Variants in RIMS2 observed in about 807,000 individuals in gnomAD.
RIMS2 encodes the protein regulating synaptic membrane exocytosis protein 2.
Under a neutral mutation model 174.4 loss-of-function variants are expected in RIMS2, and 59 were observed. The ratio of observed to expected loss-of-function variants is 0.34; its 90% confidence interval spans 0.27 to 0.42. RIMS2 has a LOEUF of 0.42. Among genes scored for constraint, RIMS2 ranks in the 10% least tolerant of loss-of-function variants. RIMS2 has a pLI of 1.00. For synonymous variants in RIMS2, 606 were observed against 572.5 expected, an observed-to-expected ratio of 1.06 and a Z score of -0.84; for missense variants, 1,620 against 1,666.3, an observed-to-expected ratio of 0.97 and a Z score of 0.48.
intron 19 of RIMS2, among the ~76,000 whole-genome samples, chr8:104,233,837 C>G (rs1030705663): frequency 6.6e-6 from 1 of 152,164 alleles, no homozygotes; most frequent in Non-Finnish European, 1.5e-5. Flanking sequence ...AGGCTTTCAG[C>G]CTAAAGATTC....
chr8:103,756,632 C>T (rs888645759), intron 2 of RIMS2, among the ~76,000 whole-genome samples: 4 of 151,732 alleles, frequency 2.6e-5, no homozygotes, highest in Non-Finnish European at 5.9e-5. Context: ...TGCCATGTTG[C>T]CCAGGCTGGT....
intron 15 of RIMS2, among the ~76,000 whole-genome samples, chr8:103,964,257 T>G (rs924811032): frequency 6.6e-6 from 1 of 152,188 alleles, no homozygotes; most frequent in East Asian, 1.9e-4. Flanking sequence ...GTCTGTACCA[T>G]TTTGCATTCC....
At chr8:103,992,920 C>T (rs566913904) in intron 17 of RIMS2, among the ~76,000 whole-genome samples, 6 of 151,412 alleles carry the variant, frequency 4.0e-5, no homozygotes, top group South Asian at 4.2e-4. Flanking sequence ...ATAATTTTTC[C>T]TGAGGCAGAC....
chr8:103,836,425 G>T (rs1224586855), intron 3 of RIMS2, among the ~76,000 whole-genome samples: 1 of 152,094 alleles, frequency 6.6e-6, no homozygotes, highest in Admixed American at 6.6e-5. Context: ...AGCCAGTCAT[G>T]GTGTTGCACA....
At chr8:104,171,290 G>A (rs2098830680) in intron 19 of RIMS2, among the ~76,000 whole-genome samples, 1 of 144,192 alleles carries the variant, frequency 6.9e-6, no homozygotes, top group Non-Finnish European at 1.5e-5. Flanking sequence ...CTTAGGCTTA[G>A]CTGTTTTACA....
At chr8:103,865,773 G>A (rs2099081770) in intron 3 of RIMS2, among the ~76,000 whole-genome samples, 1 of 151,992 alleles carries the variant, frequency 6.6e-6, no homozygotes, top group Non-Finnish European at 1.5e-5. Flanking sequence ...CCTTTTCTCT[G>A]ATTAACAGAA....
intron 15 of RIMS2, among the ~76,000 whole-genome samples, 179 bp downstream of exon 17, chr8:103,961,312 A>G (rs953839818): frequency 7.2e-5 from 11 of 152,156 alleles, no homozygotes; most frequent in Non-Finnish European, 2.9e-5. Context: ...GAACACCTGT[A>G]CCAATTAGAT....
At chr8:103,884,870 A>AT (rs2099190532) in intron 3 of RIMS2, among the ~76,000 whole-genome samples, 1 of 151,850 alleles carries the variant, frequency 6.6e-6, no homozygotes, top group African/African-American at 2.4e-5. Flanking sequence ...CTTGAGCCAA[A>AT]TCAGTTTGGC....
chr8:103,974,760 C>G (rs543617454), intron 15 of RIMS2, among the ~76,000 whole-genome samples: 1 of 152,094 alleles, frequency 6.6e-6, no homozygotes, highest in Admixed American at 6.5e-5. Flanking sequence ...TGCAGTGGCA[C>G]GGGCCTGTAG....
At chr8:103,870,505 T>C (rs1394377290) in intron 3 of RIMS2, among the ~76,000 whole-genome samples, 1 of 152,168 alleles carries the variant, frequency 6.6e-6, no homozygotes, top group East Asian at 1.9e-4. Context: ...GAATCTGCCA[T>C]GTAGACTTTT....
intron 1 of RIMS2, among the ~76,000 whole-genome samples, chr8:103,556,766 A>G (rs936412975): frequency 6.6e-6 from 1 of 152,110 alleles, no homozygotes; most frequent in African/African-American, 2.4e-5. Flanking sequence ...TTGGTATACC[A>G]CATATTTCTA....
chr8:103,942,144 T>G (rs575604492), intron 13 of RIMS2, among the ~76,000 whole-genome samples: 1 of 152,302 alleles, frequency 6.6e-6, no homozygotes, highest in Non-Finnish European at 1.5e-5. Flanking sequence ...TCCCTCCTCC[T>G]ACCCTCTACC....
Position 103,690,042 on chromosome 8 carries a change from C to T in RIMS2, c.177-7044C>T, listed in dbSNP as rs1023437043. Among the ~76,000 whole-genome samples the T allele has an allele frequency of 2.7e-5, 4 of 150,482 alleles. 1 individual carries two copies. Among genetic ancestry groups the T allele is most frequent in the South Asian group, 4.2e-4 (2 of 4,766 alleles). On this transcript the variant is annotated intron_variant, in intron 1 of 23. Transcript: ENST00000504942. ...GTGGCGTAATCTCAGCTCACTGCAG[C>T]GTCTGCTTCCTGGGTTCAAGTGATT...
chr8:103,651,795 C>T (rs1416071349), intron 1 of RIMS2, among the ~76,000 whole-genome samples: 1 of 151,236 alleles, frequency 6.6e-6, no homozygotes, highest in Non-Finnish European at 1.5e-5. Flanking sequence ...ATTCGTAAAA[C>T]TCTATGTTTA....
chr8:103,500,925 C>T (rs1406998373), exon 1 of RIMS2: 2 of 1,607,674 alleles, frequency 1.2e-6, no homozygotes, highest in South Asian at 1.1e-5. Context: ...GCCTGGCTCC[C>T]ATCCCGGCGG....
chr8:104,127,002 T>C lies in RIMS2; in HGVS notation c.3334+112387T>C, dbSNP rs16870993. ...CCATTCAGCTCAAAGTTCTAAATTA[T>C]CTGAAACTCAGAATAATAAATAATA... On this transcript the variant is annotated intron_variant, in intron 19 of 23. Transcript: ENST00000504942. Among the ~76,000 whole-genome samples, 161 of 152,260 alleles carry C rather than the reference T, an allele frequency of 1.1e-3. 1 individual carries two copies. The East Asian group carries it at 0.021, about 20-fold the overall frequency.
exon 21 of RIMS2, chr8:104,248,758 T>C (rs770241789): frequency 6.2e-7 from 1 of 1,613,746 alleles, no homozygotes; most frequent in South Asian, 1.1e-5. Context: ...ATTTCCTGGA[T>C]GGCCTTGGCC....
At chr8:103,957,810 A>G (rs748852061) in intron 14 of RIMS2, among the ~76,000 whole-genome samples, 2 of 152,196 alleles carry the variant, frequency 1.3e-5, no homozygotes, top group Non-Finnish European at 2.9e-5. Flanking sequence ...TAAGCTCAAT[A>G]TCACTAATCA....
intron 1 of RIMS2, among the ~76,000 whole-genome samples, chr8:103,636,803 C>CCCCCCCCCCCG (rs1322508776): frequency 1.3e-5 from 1 of 74,178 alleles, no homozygotes; most frequent in Non-Finnish European, 2.7e-5. Context: ...CCCCCCCCCA[C>CCCCCCCCCCCG]ACACACACAC....
Sources: gnomAD v4.1 joint callset for allele counts (sites outside exome capture counted in the v4.1 genomes callset) on GRCh38, gnomAD v4.1.1 for gene constraint, MANE v1.5 for transcripts, NCBI Gene and HGNC (gene_info 2026-07-23, HGNC 2026-07-21) for gene names.